Variants in CFD observed in about 807,000 individuals in gnomAD.
The protein encoded by CFD is complement factor D.
CFD carries 24 observed loss-of-function variants against 21.1 expected under a neutral mutation model. The ratio of observed to expected loss-of-function variants is 1.14; its 90% CI spans 0.82 to 1.60. CFD has a LOEUF of 1.60. CFD is among the 40% of genes most tolerant of loss of function. The pLI is 0.00. For missense variants in CFD, 535 were observed against 383.3 expected (o/e 1.40, Z -3.31); for synonymous variants, 242 against 175.9 (o/e 1.38, Z -2.97).
rs759506778 is a variant in CFD, at chr19:861,782, C to T, written c.441C>T (p.Leu147=). The T allele has an allele frequency of 6.2e-7, 1 of 1,605,612 alleles. No homozygotes were observed. Among genetic ancestry groups the T allele is most frequent in the Non-Finnish European group, 8.5e-7 (1 of 1,179,058 alleles). The change falls in exon 4 of 5, where the codon CTC becomes CTT. Residue 147 remains leucine (L), a synonymous_variant. Transcript: ENST00000327726. ...ACCGCGACGTGGCACCGGGAACTCTCTGCGACGTGGCCGGCTGGGGCATAG... is the reference window on the plus strand; with the variant it reads ...ACCGCGACGTGGCACCGGGAACTCTTTGCGACGTGGCCGGCTGGGGCATAG... The part of the protein sequence containing the change: ...RVDRDVAPGT[L]CDVAGWGIVN...
intron 3 of CFD, 106 bp downstream of exon 3, chr19:861,111 C>T (rs1422967648): frequency 1.1e-5 from 11 of 1,034,208 alleles, no homozygotes; most frequent in African/African-American, 3.2e-5. Flanking sequence ...ACCTCTCCTG[C>T]TGCATGGGGA....
At chr19:860,152 A>G (rs532888646) in intron 1 of CFD, among the ~76,000 whole-genome samples, 1 of 151,130 alleles carries the variant, frequency 6.6e-6, no homozygotes, top group East Asian at 2.0e-4. Context: ...TGAGTTTGCA[A>G]CGCTGAGGGG....
chr19:862,461 A>G (rs1398112451), intron 4 of CFD, among the ~76,000 whole-genome samples: 12 of 110,838 alleles, frequency 1.1e-4, no homozygotes, highest in Admixed American at 4.0e-4. Context: ...GGTGGCAGAG[A>G]AAGGGTGGGA....
intron 1 of CFD, 97 bp downstream of exon 1, chr19:859,841 C>A: frequency 1.1e-6 from 1 of 891,160 alleles, no homozygotes. Flanking sequence ...TCCAGGTGGG[C>A]AGGAAGGGGG....
intron 4 of CFD, among the ~76,000 whole-genome samples, chr19:862,419 G>T (rs1368950872): frequency 5.6e-5 from 8 of 142,398 alleles, no homozygotes; most frequent in Middle Eastern, 3.7e-3. Context: ...GGAGGGTGGG[G>T]CTGGAGAAGG....
intron 1 of CFD, among the ~76,000 whole-genome samples, chr19:860,399 C>T (rs1005463768): frequency 3.3e-5 from 5 of 151,140 alleles, no homozygotes; most frequent in Non-Finnish European, 7.4e-5. Context: ...ATTGGCCAGG[C>T]TGGTCTTGAA....
At chr19:861,074 C>G in intron 3 of CFD, 69 bp downstream of exon 3, 2 of 1,515,024 alleles carry the variant, frequency 1.3e-6, no homozygotes, top group Non-Finnish European at 1.8e-6. Context: ...TCCACCCCGC[C>G]TACACCGCGC....
chr19:863,150 G>A lies in CFD; in HGVS notation c.674G>A (p.Gly225Asp), dbSNP rs1442661411. ...GTGCTCGAGGGCGTGGTCACCTCGG[G>A]CTCGCGCGTTTGCGGCAACCGCAAG... is the stretch of plus-strand genomic sequence containing the variant. ...GGVLEGVVTS[G>D]SRVCGNRKKP... Residue 225 changes from glycine to aspartate, a missense_variant, in exon 5 of 5, where the codon GGC becomes GAC. Transcript: ENST00000327726. 1.3e-6 allele frequency: 2 copies of A among 1,535,746 alleles called. No homozygotes were observed. Among genetic ancestry groups the A allele is most frequent in the South Asian group, 1.2e-5 (1 of 84,046 alleles).
intron 3 of CFD, 79 bp downstream of exon 3, chr19:861,084 C>T: frequency 6.8e-7 from 1 of 1,471,208 alleles, no homozygotes; most frequent in Non-Finnish European, 9.2e-7. Context: ...CTACACCGCG[C>T]CCCGGGTCCA....
intron 3 of CFD, 75 bp downstream of exon 3, chr19:861,080 C>A: frequency 6.7e-7 from 1 of 1,494,910 alleles, no homozygotes; most frequent in South Asian, 1.2e-5. Flanking sequence ...CCGCCTACAC[C>A]GCGCCCCGGG....
At chr19:862,894 G>A (rs912669029) in intron 4 of CFD, among the ~76,000 whole-genome samples, 198 bp from the exon 5 acceptor site, 4 of 151,876 alleles carry the variant, frequency 2.6e-5, no homozygotes, top group Non-Finnish European at 5.9e-5. Context: ...AGCTGGGGGC[G>A]GGCCTAGAGG....
chr19:862,820 C>T (rs1425105852), intron 4 of CFD, among the ~76,000 whole-genome samples: 2 of 142,468 alleles, frequency 1.4e-5, no homozygotes, highest in African/African-American at 2.7e-5. Context: ...CTGGAAAGGG[C>T]TTGGAGCGGG....
rs575456948 is a variant in CFD, at chr19:861,821, C to T, written c.480C>T (p.Gly160=). 8 of 1,602,062 alleles carry T rather than the reference C, an allele frequency of 5.0e-6. No individual in the cohort carries two copies. Among genetic ancestry groups the T allele is most frequent in the African/African-American group, 4.0e-5 (3 of 74,868 alleles). The change falls in exon 4 of 5, where the codon GGC becomes GGT. Residue 160 remains glycine (G), a synonymous_variant. Transcript: ENST00000327726. ...GCTGGGGCATAGTCAACCACGCGGG[C>T]CGCCGCCCGGACAGCCTGCAGCACG... is the stretch of plus-strand genomic sequence containing the variant. ...VAGWGIVNHA[G]RRPDSLQHVL... is the part of the protein sequence containing the mutation.
At position 863,421 on chromosome 19, in the gene CFD, T is replaced by G; in HGVS notation, c.*183T>G. On this transcript the variant is annotated 3_prime_UTR_variant, in exon 5 of 5. Transcript: ENST00000327726. ...GCATGGGCCACGTAGCGCGACTCCA[T>G]CTCTACAAATAAATAAAAAATTAGC... The G allele has an allele frequency of 1.5e-6, 1 of 679,088 alleles. No individual in the cohort carries two copies. The allele number at this position is 679,088 out of a possible 1,614,324, so 42.1% of individuals were successfully genotyped here.
rs762944768 is a variant in CFD at position 859,728 on chromosome 19, A to C, written c.39A>C (p.Leu13=). The C allele has an allele frequency of 1.3e-5, 21 of 1,573,380 alleles. No homozygotes were observed. Among genetic ancestry groups the C allele is most frequent in the Non-Finnish European group, 1.7e-5 (20 of 1,159,738 alleles). ...AGCGCCTGGCAGTTCTGGTCCTCCT[A>C]GGAGCGGCCGCCTGCGGTGAGGAGG... ...SWERLAVLVL[L]GAAACAAPPR... The change falls in exon 1 of 5, where the codon CTA becomes CTC. Residue 13 remains leucine, a synonymous_variant. Transcript: ENST00000327726.
Position 860,628 on chromosome 19 carries a change from C to A in CFD, c.67C>A (p.Arg23Ser), listed in dbSNP as rs753424422. The change falls in exon 2 of 5, where the codon CGT (arginine) becomes AGT (serine). Residue 23 changes from arginine (R) to serine (S), a missense_variant. Transcript: ENST00000327726. ...LGAAACAAPP[R>S]GRILGGREAE... ...CCGCCCACCCACAGCGGCGCCGCCC[C>A]GTGGTCGGATCCTGGGCGGCAGAGA... 3.4e-6 allele frequency: 5 copies of A among 1,459,188 alleles called. No individual in the cohort carries two copies. The highest frequency in any genetic ancestry group is 4.5e-6 in the Non-Finnish European group (5 of 1,113,528). The allele number at this position is 1,459,188 out of a possible 1,614,324, so 90.4% of individuals were successfully genotyped here. A position where few individuals can be genotyped will look rare whatever the true frequency, so the allele number is the denominator to read the frequency against.
At chr19:860,230 G>A (rs1266986548) in intron 1 of CFD, among the ~76,000 whole-genome samples, 1 of 151,224 alleles carries the variant, frequency 6.6e-6, no homozygotes, top group Admixed American at 6.6e-5. Flanking sequence ...TCGCTCTGTC[G>A]TCCAGGCTGG....
rs561582810 is a variant in CFD, at chr19:861,981, A to T, written c.615+25A>T. The T allele has an allele frequency of 9.9e-5, 151 of 1,531,058 alleles. 1 individual carries two copies. Among genetic ancestry groups the T allele is most frequent in the South Asian group, 6.4e-4 (54 of 84,100 alleles). The allele number at this position is 1,531,058 out of a possible 1,614,324, so 94.8% of individuals were successfully genotyped here. A position where few individuals can be genotyped will look rare whatever the true frequency, so the allele number is the denominator to read the frequency against. ...GGTGAGCCTTCAGGCCTGGGAGGAG[A>T]CGCGGGGCCTGCAGGCCCCGGGAAG... On this transcript the variant is annotated intron_variant, in intron 4 of 4. Transcript: ENST00000327726.
intron 3 of CFD, 124 bp downstream of exon 3, chr19:861,129 C>G (rs1274044016): frequency 2.8e-6 from 2 of 717,674 alleles, no homozygotes; most frequent in Admixed American, 2.1e-5. Flanking sequence ...GGACCCCGCC[C>G]CACAACCCCC....
Sources: gnomAD v4.1 joint callset for allele counts (sites outside exome capture counted in the v4.1 genomes callset) on GRCh38, gnomAD v4.1.1 for gene constraint, MANE v1.5 for transcripts, NCBI Gene and HGNC (gene_info 2026-07-23, HGNC 2026-07-21) for gene names.